The following VWA7 variants were observed in gnomAD, a reference collection of about 807,000 sequenced individuals.
VWA7 encodes von Willebrand factor A domain-containing protein 7.
A neutral mutation model predicts 83.1 loss-of-function variants in VWA7; 66 were observed. The observed-to-expected ratio is 0.79, with a 90% CI of 0.65 to 0.98. VWA7 has a LOEUF of 0.98. VWA7 is among the 50% of genes least tolerant of loss of function. The probability of loss-of-function intolerance (pLI) is 0.00; values close to 1 mark genes in which losing one functional copy is unlikely to be tolerated. For missense variants in VWA7, 1,080 were observed against 1,160.2 expected (o/e 0.93, Z 1.00); for synonymous variants, 424 against 488.5 (o/e 0.87, Z 1.74).
rs746312277 is a variant in VWA7 at position 31,774,656 on chromosome 6, A to G, written c.611-30T>C. On this transcript the variant is annotated intron_variant, in intron 4 of 16. Transcript: ENST00000375688. The stretch of plus-strand genomic sequence containing the variant: ...GAAGAGAGGGCAGGGCTAGAACCCA[A>G]GATTCTGCCACCCCCAGCCTTTATC... 4 of 1,581,362 alleles carry G rather than the reference A, an allele frequency of 2.5e-6. No individual in the cohort carries two copies. In the Admixed American group the frequency reaches 6.9e-5, roughly 27 times the overall value.
At position 31,775,281 on chromosome 6, in the gene VWA7, G is replaced by T; in HGVS notation, c.610+52C>A. 1 of 1,477,662 alleles carries T rather than the reference G, an allele frequency of 6.8e-7. No individual in the cohort carries two copies. The highest frequency in any genetic ancestry group is 9.3e-7 in the Non-Finnish European group (1 of 1,078,366). 91.5% of individuals were successfully genotyped at this position (1,477,662 alleles called of 1,614,324 possible). A position where few individuals can be genotyped will look rare whatever the true frequency, so the allele number is the denominator to read the frequency against. ...CAGAATGTGACACAGTGGCTGGGTG[G>T]ACTGAGGTGGCCCTGTGGACTCCTG... On this transcript the variant is annotated intron_variant, in intron 4 of 16. Transcript: ENST00000375688. The surrounding 1 kb of genome is among the most constrained non-coding windows in gnomAD (Gnocchi z 5.9).
chr6:31,771,907 C>T (rs191306205), intron 7 of VWA7: 3,617 of 139,166 alleles, frequency 0.026, 77 homozygotes, highest in Non-Finnish European at 0.031. Context: ...AGGAGAATGG[C>T]GTGAACCCGG....
At position 31,767,258 on chromosome 6, in the gene VWA7, A is replaced by C; in HGVS notation, c.1790-8T>G. On this transcript the variant is annotated splice_polypyrimidine_tract_variant and splice_region_variant and intron_variant, in intron 12 of 16. Transcript: ENST00000375688. ...AGTCCAGGGAGGTCTGGGCTGGGAA[A>C]GGGCAAAGGCAGTCAGAGCCCTTCC... The C allele has an allele frequency of 6.2e-7, 1 of 1,611,410 alleles. No homozygotes were observed.
chr6:31,774,751 C>T, intron 4 of VWA7, 125 bp from the exon 5 acceptor site: 1 of 730,974 alleles, frequency 1.4e-6, no homozygotes, highest in Non-Finnish European at 2.2e-6. Context: ...AGTTCCCTAG[C>T]AAAGCTTTCT....
Position 31,776,329 on chromosome 6 carries a change from C to T in VWA7, c.235-87G>A. ...TTATCTCAGCAACTGACACTCAAGGCTGGGTATGAGGGTCCTGAGCCCCAC... is the reference window on the plus strand; with the variant it reads ...TTATCTCAGCAACTGACACTCAAGGTTGGGTATGAGGGTCCTGAGCCCCAC... On this transcript the variant is annotated intron_variant, in intron 2 of 16. Coordinates refer to ENST00000375688, the MANE Select transcript of VWA7 (RefSeq NM_025258.3). The surrounding 1 kb of genome is among the most constrained non-coding windows in gnomAD (Gnocchi z 6.2). The T allele has an allele frequency of 1.3e-6, 2 of 1,536,056 alleles. No homozygotes were observed. Among genetic ancestry groups the T allele is most frequent in the Non-Finnish European group, 1.8e-6 (2 of 1,139,158 alleles).
rs978415599 is a variant in VWA7, at chr6:31,766,304, C to A, written c.2265G>T (p.Gln755His). The A allele has an allele frequency of 6.2e-7, 1 of 1,612,324 alleles. No individual in the cohort carries two copies. Residue 755 changes from glutamine (Q) to histidine (H), a missense_variant, in exon 15 of 17, where the codon CAG (glutamine) becomes CAT (histidine). Transcript: ENST00000375688. This position sits in a 1 kb window ranked among gnomAD's most constrained non-coding sequence, Gnocchi z 4.9. ...TGACGAAAGTCCTAAGGTCAAGATC[C>A]TGAGGGCCCGAGAAGCTGGCGATGC... ...SLRIASFSGP[Q>H]DLDLRTFVNP... is the part of the protein sequence containing the mutation.
chr6:31,768,881 G>C (rs114263207), intron 10 of VWA7, 137 bp downstream of exon 10: 23,245 of 978,406 alleles, frequency 0.024, 704 homozygotes, highest in African/African-American at 0.11. Context: ...GATCTAAGAG[G>C]AAGAGAAACT....
In VWA7 at chr6:31,776,639, G is replaced by A. The variant is rs1581623116; in HGVS notation, c.141C>T (p.Asp47=). The change falls in exon 2 of 17, where the codon GAC becomes GAT. Residue 47 remains aspartate (D), a synonymous_variant. Transcript: ENST00000375688. The surrounding 1 kb of genome is among the most constrained non-coding windows in gnomAD (Gnocchi z 6.2). ...CGTTGAGCGCTGCCTCCTCAGTTAG[G>A]TCTTGGTGGGTGATGGAGCCAGGGG... ...LAAPGSITHQ[D]LTEEAALNVT... is the part of the protein sequence containing the mutation. 2 of 1,548,478 alleles carry A rather than the reference G, an allele frequency of 1.3e-6. No homozygotes were observed. Among genetic ancestry groups the A allele is most frequent in the Non-Finnish European group, 1.7e-6 (2 of 1,145,742 alleles).
intron 7 of VWA7, chr6:31,771,573 A>G (rs1392483213): frequency 6.6e-6 from 1 of 152,262 alleles, no homozygotes; most frequent in Non-Finnish European, 1.5e-5. Context: ...GACTCAAGCC[A>G]GAGAGTCTAA....
rs1812386765 is a variant in VWA7 at position 31,773,379 on chromosome 6, G to A, written c.780C>T (p.Gly260=). ...DRSSSQPPRG[G]INKDSTSPGF... ...CTGGGGATGTGCTGTCCTTGTTGAT[G>A]CCTCCCCTCGGTGGCTGGGAGCTGC... Residue 260 remains glycine (G), a synonymous_variant, in exon 6 of 17, where the codon GGC becomes GGT. Transcript: ENST00000375688. This position sits in a 1 kb window ranked among gnomAD's most constrained non-coding sequence, Gnocchi z 5.3. 4 of 1,606,612 alleles carry A rather than the reference G, an allele frequency of 2.5e-6. No homozygotes were observed. The highest frequency in any genetic ancestry group is 3.4e-6 in the Non-Finnish European group (4 of 1,176,898).
rs1056613019 is a variant in VWA7, at chr6:31,766,132, G to T, written c.2325-75C>A. 6.3e-7 allele frequency: 1 copy of T among 1,596,198 alleles called. No homozygotes were observed. Among genetic ancestry groups the T allele is most frequent in the Non-Finnish European group, 8.5e-7 (1 of 1,169,956 alleles). On this transcript the variant is annotated intron_variant, in intron 15 of 16. Transcript: ENST00000375688. This position sits in a 1 kb window ranked among gnomAD's most constrained non-coding sequence, Gnocchi z 4.9. The stretch of plus-strand genomic sequence containing the variant: ...AGAGTCGGGACGCCTGCAGGGGCAC[G>T]GGAGCGGAGAGGAGGATTCTGAGGG...
chr6:31,767,164 C>T lies in VWA7; in HGVS notation c.1876G>A (p.Val626Ile). 6.6e-7 allele frequency: 1 copy of T among 1,503,948 alleles called. No homozygotes were observed. The highest frequency in any genetic ancestry group is 8.8e-7 in the Non-Finnish European group (1 of 1,134,674). The allele number at this position is 1,503,948 out of a possible 1,614,324, so 93.2% of individuals were successfully genotyped here. A position where few individuals can be genotyped will look rare whatever the true frequency, so the allele number is the denominator to read the frequency against. Residue 626 changes from valine to isoleucine, a missense_variant, in exon 13 of 17, where the codon GTT becomes ATT. Transcript: ENST00000375688. Reference sequence around the variant, plus strand: ...GCTCAGGGAATAAATGTACCTGCAACTGGCTGAGTCAGGGGGTAGAGGCCA... The same window carrying T: ...GCTCAGGGAATAAATGTACCTGCAATTGGCTGAGTCAGGGGGTAGAGGCCA... ...HPGLYPLTQP[V>I]AGLQTQLLVE... is the part of the protein sequence containing the mutation.
Position 31,775,996 on chromosome 6 carries a change from G to C in VWA7, c.481C>G (p.Gln161Glu), listed in dbSNP as rs1271563884. The change falls in exon 3 of 17, where the codon CAG becomes GAG. Residue 161 changes from glutamine to glutamate, a missense_variant. By Grantham distance (29) the Gln-to-Glu change is conservative. Coordinates refer to ENST00000375688, the MANE Select transcript of VWA7 (RefSeq NM_025258.3). The surrounding 1 kb of genome is among the most constrained non-coding windows in gnomAD (Gnocchi z 5.9). ...GCATGAAGTGCAGCCCCGAGGCGCT[G>C]GCGAGCCAGGGTGTGGTCAAGGGCC... Reference protein sequence around the residue: ...ARALDHTLARQRLGAALHALQ... With the variant: ...ARALDHTLARERLGAALHALQ... 1 of 1,612,298 alleles carries C rather than the reference G, an allele frequency of 6.2e-7. No homozygotes were observed.
intron 7 of VWA7, among the ~76,000 whole-genome samples, chr6:31,771,011 C>CAAAAAAAAAAAA (rs36055758): frequency 2.5e-5 from 2 of 79,054 alleles, no homozygotes; most frequent in African/African-American, 6.3e-5. Context: ...CTCTCTCTCT[C>CAAAAAAAAAAAA]AAAAAAAAAA....
Position 31,776,740 on chromosome 6 carries a change from A to T in VWA7, c.40T>A (p.Ser14Thr). ...TEVPQSHPGP[S>T]ALLLLQLLLP... ...AACAGCTGCAGCAGAAGCAACGCTG[A>T]GGGGCCCGGGTGGGATTGGGGGACC... Residue 14 changes from serine to threonine, a missense_variant, in exon 2 of 17, where the codon TCA (serine) becomes ACA (threonine). Ser to Thr is a moderately conservative substitution (Grantham distance 58). Coordinates refer to ENST00000375688, the MANE Select transcript of VWA7 (RefSeq NM_025258.3). The surrounding 1 kb of genome is among the most constrained non-coding windows in gnomAD (Gnocchi z 6.2). 6.8e-7 allele frequency: 1 copy of T among 1,464,432 alleles called. No homozygotes were observed. Among genetic ancestry groups the T allele is most frequent in the Non-Finnish European group, 9.1e-7 (1 of 1,101,288 alleles). 90.7% of individuals were successfully genotyped at this position (1,464,432 alleles called of 1,614,324 possible). A position where few individuals can be genotyped will look rare whatever the true frequency, so the allele number is the denominator to read the frequency against.
chr6:31,775,277 G>T lies in VWA7; in HGVS notation c.610+56C>A. ...ACTTCAGAATGTGACACAGTGGCTG[G>T]GTGGACTGAGGTGGCCCTGTGGACT... On this transcript the variant is annotated intron_variant, in intron 4 of 16. Transcript: ENST00000375688. The surrounding 1 kb of genome is among the most constrained non-coding windows in gnomAD (Gnocchi z 5.9). 7.0e-7 allele frequency: 1 copy of T among 1,436,804 alleles called. No homozygotes were observed. The allele number at this position is 1,436,804 out of a possible 1,614,324, so 89.0% of individuals were successfully genotyped here.
chr6:31,771,616 C>A (rs1476301991), intron 7 of VWA7: 1 of 152,188 alleles, frequency 6.6e-6, no homozygotes, highest in Non-Finnish European at 1.5e-5. Flanking sequence ...TACAATGTAG[C>A]TAGTTATCTC....
Position 31,776,895 on chromosome 6 carries a change from G to A in VWA7, c.-15-101C>T, listed in dbSNP as rs556223261. ...GGGAACCTGCTTTACCTCAAAAGTC[G>A]TGTCTGCTCCAGCCTGGCTTCCCCA... On this transcript the variant is annotated intron_variant, in intron 1 of 16. Coordinates refer to ENST00000375688, the MANE Select transcript of VWA7 (RefSeq NM_025258.3). The surrounding 1 kb of genome is among the most constrained non-coding windows in gnomAD (Gnocchi z 6.2). 7.8e-6 allele frequency: 5 copies of A among 642,800 alleles called. No homozygotes were observed. Among genetic ancestry groups the A allele is most frequent in the Non-Finnish European group, 9.7e-6 (4 of 412,778 alleles). 39.8% of individuals were successfully genotyped at this position (642,800 alleles called of 1,614,324 possible). A position where few individuals can be genotyped will look rare whatever the true frequency, so the allele number is the denominator to read the frequency against.
intron 10 of VWA7, among the ~76,000 whole-genome samples, chr6:31,768,548 G>A (rs142245042): frequency 2.0e-5 from 3 of 150,334 alleles, no homozygotes; most frequent in East Asian, 3.9e-4. Flanking sequence ...GATATAAAAG[G>A]ACAATGCAGG....
Sources: allele counts gnomAD v4.1 joint callset (sites outside exome capture counted in the v4.1 genomes callset), GRCh38; gene constraint gnomAD v4.1.1; non-coding constraint Gnocchi (gnomAD v3.1); transcripts MANE v1.5; gene names NCBI Gene and HGNC (gene_info 2026-07-23, HGNC 2026-07-21).